Variants in EPHX1 observed in about 807,000 individuals in gnomAD.
EPHX1 encodes epoxide hydrolase 1, also known as epoxide hydratase.
A neutral mutation model predicts 43.2 loss-of-function variants in EPHX1; 40 were observed. The ratio of observed to expected loss-of-function variants is 0.93; its 90% CI spans 0.72 to 1.21. The LOEUF (loss-of-function observed/expected upper bound fraction) is 1.21, where lower values mean the gene tolerates loss of function less well. EPHX1 is among the 50% of genes most tolerant of loss of function. The pLI is 0.00. For missense variants in EPHX1, 550 were observed against 570.4 expected, an observed-to-expected ratio of 0.96 and a Z score of 0.36; for synonymous variants, 221 against 226.7, an observed-to-expected ratio of 0.98 and a Z score of 0.22.
intron 3 of EPHX1, among the ~76,000 whole-genome samples, chr1:225,832,375 GA>G (rs1402040301): frequency 6.6e-6 from 1 of 152,156 alleles, no homozygotes; most frequent in African/African-American, 2.4e-5. Context: ...ATCTCTACTA[GA>G]AATACAAAAA....
Position 225,845,532 on chromosome 1 carries a change from T to G in EPHX1, c.*185T>G. 1 of 622,520 alleles carries G rather than the reference T, an allele frequency of 1.6e-6. No homozygotes were observed. Among genetic ancestry groups the G allele is most frequent in the Non-Finnish European group, 2.8e-6 (1 of 357,510 alleles). The allele number at this position is 622,520 out of a possible 1,614,324, so 38.6% of individuals were successfully genotyped here. A position where few individuals can be genotyped will look rare whatever the true frequency, so the allele number is the denominator to read the frequency against. ...CCCCAACTCCGTGTGGTAAGCAACA[T>G]GGCTTTGATGATAAACGACTTTACT... is the stretch of plus-strand genomic sequence containing the variant. On this transcript the variant is annotated 3_prime_UTR_variant, in exon 9 of 9. Transcript: ENST00000272167.
intron 1 of EPHX1, among the ~76,000 whole-genome samples, chr1:225,820,335 C>T (rs1666927581): frequency 6.6e-6 from 1 of 152,110 alleles, no homozygotes; most frequent in Admixed American, 6.6e-5. Context: ...GTGATCTGCC[C>T]ACCTTGGCCT....
In EPHX1 at chr1:225,844,639, C is replaced by T; in HGVS notation, c.1166+16C>T. On this transcript the variant is annotated intron_variant, in intron 8 of 8. Transcript: ENST00000272167. ...AGCATGAGCGGTGAGCCTGGCTGAG[C>T]CGAGAACAGGGGCCTCTGAGGCTGG... The T allele has an allele frequency of 6.2e-7, 1 of 1,613,582 alleles. No individual in the cohort carries two copies. The highest frequency in any genetic ancestry group is 8.5e-7 in the Non-Finnish European group (1 of 1,179,948).
intron 1 of EPHX1, among the ~76,000 whole-genome samples, chr1:225,813,179 G>A (rs370646429): frequency 7.9e-5 from 12 of 152,348 alleles, no homozygotes; most frequent in East Asian, 3.9e-4. Context: ...GGGCCCTGTA[G>A]CCTCTGCTGG....
chr1:225,842,400 T>C lies in EPHX1; in HGVS notation c.966T>C (p.Ala322=). The C allele has an allele frequency of 6.2e-7, 1 of 1,614,126 alleles. No individual in the cohort carries two copies. Among genetic ancestry groups the C allele is most frequent in the Non-Finnish European group, 8.5e-7 (1 of 1,179,930 alleles). Residue 322 remains alanine, a synonymous_variant, in exon 7 of 9, where the codon GCT becomes GCC. Coordinates refer to ENST00000272167, the MANE Select transcript of EPHX1 (RefSeq NM_001136018.4). ...TGAATGACTCTCCTGTGGGTCTGGCTGCCTATATTCTAGAGAAGTTTTCCA... is the reference window on the plus strand; with the variant it reads ...TGAATGACTCTCCTGTGGGTCTGGCCGCCTATATTCTAGAGAAGTTTTCCA... The part of the protein sequence containing the change: ...SALNDSPVGL[A]AYILEKFSTW...
chr1:225,812,335 T>C (rs924962839), intron 1 of EPHX1, among the ~76,000 whole-genome samples: 3 of 152,222 alleles, frequency 2.0e-5, no homozygotes, highest in Non-Finnish European at 2.9e-5. Flanking sequence ...ACATGCTCTC[T>C]GCGTGATGCC....
At chr1:225,828,075 G>A (rs1363866729) in intron 1 of EPHX1, among the ~76,000 whole-genome samples, 4 of 152,188 alleles carry the variant, frequency 2.6e-5, no homozygotes, top group South Asian at 2.1e-4. Flanking sequence ...GTCGGGCGCC[G>A]TGGCTCACAC....
At chr1:225,837,895 A>G (rs1456496316) in intron 3 of EPHX1, among the ~76,000 whole-genome samples, 1 of 152,240 alleles carries the variant, frequency 6.6e-6, no homozygotes, top group Non-Finnish European at 1.5e-5. Flanking sequence ...TGTATGAAAA[A>G]AATTATGCAT....
chr1:225,821,391 G>A, intron 1 of EPHX1, among the ~76,000 whole-genome samples: 1 of 149,656 alleles, frequency 6.7e-6, no homozygotes, highest in Non-Finnish European at 1.5e-5. Context: ...GACTACAAGT[G>A]CACACTACCA....
intron 3 of EPHX1, among the ~76,000 whole-genome samples, chr1:225,837,800 G>C (rs557517595): frequency 6.6e-6 from 1 of 152,144 alleles, no homozygotes; most frequent in Admixed American, 6.5e-5. Flanking sequence ...GATTACAGGC[G>C]TGAGCCACCA....
intron 1 of EPHX1, among the ~76,000 whole-genome samples, chr1:225,812,678 C>T (rs547897392): frequency 1.8e-4 from 27 of 152,342 alleles, no homozygotes; most frequent in African/African-American, 6.5e-4. Flanking sequence ...AAAGCAGGGG[C>T]TACCGAGATT....
intron 3 of EPHX1, among the ~76,000 whole-genome samples, chr1:225,836,732 A>G (rs1667987629): frequency 6.6e-6 from 1 of 152,264 alleles, no homozygotes; most frequent in African/African-American, 2.4e-5. Context: ...GGAATCTGAA[A>G]TAGTCAAACT....
At chr1:225,833,713 T>C (rs1028630846) in intron 3 of EPHX1, among the ~76,000 whole-genome samples, 6 of 148,142 alleles carry the variant, frequency 4.1e-5, no homozygotes, top group African/African-American at 1.0e-4. Context: ...GAGAATGGCG[T>C]GAACCCAGGA....
rs1456389783 is a variant in EPHX1 at position 225,839,900 on chromosome 1, G to A, written c.794G>A (p.Gly265Glu). 2 of 1,614,230 alleles carry A rather than the reference G, an allele frequency of 1.2e-6. No homozygotes were observed. Among genetic ancestry groups the A allele is most frequent in the Admixed American group, 1.7e-5 (1 of 60,030 alleles). The part of the protein sequence containing the change: ...SNFSTLTLLL[G>E]QRFGRFLGLT... Reference sequence around the variant, plus strand: ...TTCTCTACCCTGACCCTCCTCCTGGGACAGCGTTTCGGGAGGTTTCTTGGC... The same window carrying A: ...TTCTCTACCCTGACCCTCCTCCTGGAACAGCGTTTCGGGAGGTTTCTTGGC... Residue 265 changes from glycine to glutamate, a missense_variant, in exon 6 of 9, where the codon GGA becomes GAA. By Grantham distance (98) the Gly-to-Glu change is moderately conservative (BLOSUM62 -2). Coordinates refer to ENST00000272167, the MANE Select transcript of EPHX1 (RefSeq NM_001136018.4).
In EPHX1 at chr1:225,843,639, G is replaced by A. The variant is rs534701117; in HGVS notation, c.1041-859G>A. ...AGGCCACTCCTGCAGCTCTGGCCCC[G>A]GGTTACAGGGAGCACCAAATCCCTG... On this transcript the variant is annotated intron_variant, in intron 7 of 8. Coordinates refer to ENST00000272167, the MANE Select transcript of EPHX1 (RefSeq NM_001136018.4). 2.4e-4 allele frequency among the ~76,000 whole-genome samples: 36 copies of A among 152,298 alleles called. No individual in the cohort carries two copies. In the East Asian group the frequency reaches 4.6e-3, roughly 20 times the overall value.
chr1:225,839,664 A>G (rs765378103), intron 5 of EPHX1, among the ~76,000 whole-genome samples, 165 bp from the exon 6 acceptor site: 2 of 151,256 alleles, frequency 1.3e-5, no homozygotes, highest in Non-Finnish European at 2.9e-5. Context: ...TTTTCCCCCA[A>G]CCTCCCTTCT....
Position 225,838,986 on chromosome 1 carries a change from G to GAGC in EPHX1, c.592+107_592+108insCAG. The GAGC allele has an allele frequency of 2.1e-6, 3 of 1,434,548 alleles. No homozygotes were observed. The East Asian group carries it at 7.1e-5, about 34-fold the overall frequency. The allele number at this position is 1,434,548 out of a possible 1,614,324, so 88.9% of individuals were successfully genotyped here. A position where few individuals can be genotyped will look rare whatever the true frequency, so the allele number is the denominator to read the frequency against. On this transcript the variant is annotated intron_variant, in intron 4 of 8. Coordinates refer to ENST00000272167, the MANE Select transcript of EPHX1 (RefSeq NM_001136018.4). ...GGCGGGGTGAGCAGGGAGTTGGCCCGAGGAAGCTGGGAAAGGAGGGGCCTG... is the reference window on the plus strand; with the variant it reads ...GGCGGGGTGAGCAGGGAGTTGGCCCGAGCAGGAAGCTGGGAAAGGAGGGGCCTG...
chr1:225,834,135 G>A (rs980591387), intron 3 of EPHX1, among the ~76,000 whole-genome samples: 15 of 147,766 alleles, frequency 1.0e-4, no homozygotes, highest in South Asian at 2.2e-4. Flanking sequence ...AGCCGGGTGC[G>A]GTGGCTCACA....
chr1:225,814,692 C>T (rs188638229), intron 1 of EPHX1, among the ~76,000 whole-genome samples: 3 of 152,378 alleles, frequency 2.0e-5, no homozygotes, highest in Admixed American at 2.0e-4. Context: ...AGCAGGCAGC[C>T]ATTGGCCCTC....
Sources: gnomAD v4.1 joint callset for allele counts (sites outside exome capture counted in the v4.1 genomes callset) on GRCh38, gnomAD v4.1.1 for gene constraint, MANE v1.5 for transcripts, NCBI Gene and HGNC (gene_info 2026-07-23, HGNC 2026-07-21) for gene names.